Variants in CCM2 observed in about 807,000 individuals in gnomAD.
CCM2 encodes CCM2 scaffold protein, also known as cerebral cavernous malformations 2 protein.
Under a neutral mutation model 44.9 loss-of-function variants are expected in CCM2, and 25 were observed. The observed-to-expected ratio is 0.56, with a 90% confidence interval of 0.41 to 0.78. The LOEUF (loss-of-function observed/expected upper bound fraction) is 0.78, where lower values mean the gene tolerates loss of function less well. Ranked by LOEUF, CCM2 falls within the 30% of genes least tolerant of loss-of-function variation. The pLI, the probability that CCM2 is intolerant of heterozygous loss-of-function variation, is 0.00. For synonymous variants in CCM2, 219 were observed against 241.1 expected (o/e 0.91, Z 0.85); for missense variants, 481 against 580.6 (o/e 0.83, Z 1.76).
chr7:45,003,568 A>G (rs1408640437), intron 1 of CCM2, among the ~76,000 whole-genome samples: 1 of 151,916 alleles, frequency 6.6e-6, no homozygotes, highest in Non-Finnish European at 1.5e-5. Context: ...CCCCGTCTCT[A>G]CTAAAAATAC....
At chr7:45,016,895 A>G (rs780318139) in intron 1 of CCM2, among the ~76,000 whole-genome samples, 11 of 152,136 alleles carry the variant, frequency 7.2e-5, no homozygotes, top group Admixed American at 2.6e-4. Flanking sequence ...GGCCTTCCAA[A>G]GTGCTAGGAT....
chr7:45,041,993 T>G (rs182092399), intron 2 of CCM2, among the ~76,000 whole-genome samples: 173 of 152,236 alleles, frequency 1.1e-3, no homozygotes, highest in Non-Finnish European at 1.8e-3. Flanking sequence ...AAAGGTGGTG[T>G]TGTCGAGCGC....
chr7:45,001,993 C>T (rs1161051982), intron 1 of CCM2, among the ~76,000 whole-genome samples: 1 of 152,138 alleles, frequency 6.6e-6, no homozygotes, highest in Non-Finnish European at 1.5e-5. Context: ...TGTAGACAAG[C>T]CAGACAAGGA....
At chr7:45,009,322 A>T (rs1231725856) in intron 1 of CCM2, among the ~76,000 whole-genome samples, 34 of 148,786 alleles carry the variant, frequency 2.3e-4, no homozygotes, top group Non-Finnish European at 2.8e-4. Context: ...AAAAAAAAAA[A>T]TTTTTGAGTA....
At position 45,027,893 on chromosome 7, in the gene CCM2, A is replaced by G. The variant is rs538852924; in HGVS notation, c.31-10360A>G. Reference sequence around the variant, plus strand: ...CATGGCTGCTTCCCAGGGCTTGCCCATTGTGAGCTAGGGTAGCCCAGTCTC... The same window carrying G: ...CATGGCTGCTTCCCAGGGCTTGCCCGTTGTGAGCTAGGGTAGCCCAGTCTC... On this transcript the variant is annotated intron_variant, in intron 1 of 9. Coordinates refer to ENST00000258781, the MANE Select transcript of CCM2 (RefSeq NM_031443.4). 110 of 1,301,874 alleles carry G rather than the reference A, an allele frequency of 8.4e-5. No individual in the cohort carries two copies. The South Asian group carries it at 1.3e-3, about 16-fold the overall frequency. 80.6% of individuals were successfully genotyped at this position (1,301,874 alleles called of 1,614,324 possible). A position where few individuals can be genotyped will look rare whatever the true frequency, so the allele number is the denominator to read the frequency against.
At chr7:45,008,663 A>G (rs958543036) in intron 1 of CCM2, among the ~76,000 whole-genome samples, 1 of 152,158 alleles carries the variant, frequency 6.6e-6, no homozygotes, top group Admixed American at 6.5e-5. Flanking sequence ...CACCCGGCCA[A>G]GGGTACATGT....
chr7:45,016,772 A>G (rs1411737669), intron 1 of CCM2, among the ~76,000 whole-genome samples: 2 of 152,090 alleles, frequency 1.3e-5, no homozygotes, highest in South Asian at 2.1e-4. Flanking sequence ...AGCTGGGATT[A>G]CAGGCGCCTA....
chr7:45,043,550 C>T (rs1159876948), intron 2 of CCM2, among the ~76,000 whole-genome samples: 1 of 151,886 alleles, frequency 6.6e-6, no homozygotes, highest in African/African-American at 2.4e-5. Context: ...ATCACTTGAA[C>T]CCAAGGAGGC....
At chr7:45,035,600 G>T (rs1346037181) in intron 1 of CCM2, among the ~76,000 whole-genome samples, 1 of 152,142 alleles carries the variant, frequency 6.6e-6, no homozygotes, top group Non-Finnish European at 1.5e-5. Flanking sequence ...ATTCCAGGTC[G>T]GGCAAGGGGA....
At chr7:45,011,907 C>T (rs899969976) in intron 1 of CCM2, among the ~76,000 whole-genome samples, 2 of 152,040 alleles carry the variant, frequency 1.3e-5, no homozygotes, top group Non-Finnish European at 2.9e-5. Context: ...AGTATGTTGT[C>T]CAGGGTGGTC....
chr7:45,017,633 C>T (rs552919979), intron 1 of CCM2, among the ~76,000 whole-genome samples: 1 of 152,216 alleles, frequency 6.6e-6, no homozygotes, highest in East Asian at 1.9e-4. Context: ...GTCTTTTTTT[C>T]CCCATGATCT....
intron 1 of CCM2, among the ~76,000 whole-genome samples, chr7:45,009,649 C>G (rs1795990668): frequency 6.6e-6 from 1 of 152,076 alleles, no homozygotes. Context: ...GATGATCCGC[C>G]CACCTCGGCC....
At chr7:45,068,627 C>T (rs1346479995) in intron 5 of CCM2, 48 bp downstream of exon 5, 7 of 1,610,752 alleles carry the variant, frequency 4.3e-6, no homozygotes, top group Non-Finnish European at 5.9e-6. Context: ...CTCCCAGACC[C>T]TGCTCATGGC....
intron 1 of CCM2, among the ~76,000 whole-genome samples, chr7:45,002,247 C>T (rs899161801): frequency 1.3e-5 from 2 of 152,210 alleles, no homozygotes; most frequent in East Asian, 1.9e-4. Flanking sequence ...ACAGTTTGGA[C>T]GCTTAAATTC....
chr7:45,073,428 G>C, intron 7 of CCM2, 32 bp from the exon 8 acceptor site: 1 of 1,536,674 alleles, frequency 6.5e-7, no homozygotes, highest in Non-Finnish European at 9.0e-7. Flanking sequence ...GGTCGGGGAA[G>C]CCACCCGCTC....
At chr7:45,051,350 G>A (rs77282735) in intron 2 of CCM2, among the ~76,000 whole-genome samples, 2,306 of 152,260 alleles carry the variant, frequency 0.015, 33 homozygotes, top group South Asian at 0.055. Context: ...GCTGGCCACA[G>A]CTCTATCAAG....
intron 2 of CCM2, among the ~76,000 whole-genome samples, chr7:45,039,475 G>A (rs1239104632): frequency 5.9e-5 from 9 of 152,286 alleles, no homozygotes; most frequent in East Asian, 5.8e-4. Context: ...CCAGGCATCC[G>A]ACGTCTGTCA....
intron 2 of CCM2, among the ~76,000 whole-genome samples, chr7:45,052,923 T>C (rs370998244): frequency 6.6e-6 from 1 of 152,246 alleles, no homozygotes; most frequent in Non-Finnish European, 1.5e-5. Context: ...ATAGCTCTTA[T>C]TCTTTAGACA....
At chr7:45,016,636 G>A (rs532477765) in intron 1 of CCM2, among the ~76,000 whole-genome samples, 127 of 135,920 alleles carry the variant, frequency 9.3e-4, no homozygotes, top group African/African-American at 3.4e-3. Context: ...GCCCAAACAT[G>A]CATCTTTTTT....
Sources: gnomAD v4.1 joint callset for allele counts (sites outside exome capture counted in the v4.1 genomes callset) on GRCh38, gnomAD v4.1.1 for gene constraint, MANE v1.5 for transcripts, NCBI Gene and HGNC (gene_info 2026-07-23, HGNC 2026-07-21) for gene names.